GPHN: variants seen among roughly 807,000 people sequenced by gnomAD.
GPHN encodes gephyrin.
GPHN carries 17 observed loss-of-function variants against 95.5 expected under a neutral mutation model. The observed-to-expected ratio is 0.18, with a 90% CI of 0.12 to 0.27. The LOEUF is 0.27. Ranked by LOEUF, GPHN falls within the 10% of genes least tolerant of loss-of-function variation. The probability of loss-of-function intolerance (pLI) is 1.00; values close to 1 mark genes in which losing one functional copy is unlikely to be tolerated. For synonymous variants in GPHN, 320 were observed against 322.5 expected, an observed-to-expected ratio of 0.99 and a Z score of 0.08; for missense variants, 660 against 978.1, an observed-to-expected ratio of 0.67 and a Z score of 4.34.
chr14:67,276,950 A>T, the GPHN span, among the ~76,000 whole-genome samples: 1 of 152,222 alleles, frequency 6.6e-6, no homozygotes, highest in East Asian at 1.9e-4. Context: ...TTAAAAACAC[A>T]TCATTTAATA....
intron 18 of GPHN, among the ~76,000 whole-genome samples, chr14:67,152,986 C>T (rs1243383160): frequency 2.7e-5 from 4 of 150,414 alleles, no homozygotes; most frequent in African/African-American, 9.9e-5. Flanking sequence ...GGTTCACTGT[C>T]TTAGCTTAGG....
intron 4 of GPHN, among the ~76,000 whole-genome samples, chr14:66,840,371 GC>G: frequency 6.6e-6 from 1 of 152,184 alleles, no homozygotes; most frequent in African/African-American, 2.4e-5. Context: ...AATAGTAGCA[GC>G]AATATTAACA....
chr14:67,599,578 G>A, the GPHN span, among the ~76,000 whole-genome samples: 10 of 152,198 alleles, frequency 6.6e-5, no homozygotes, highest in Non-Finnish European at 1.5e-4. Context: ...CACACTTGTG[G>A]AGGCAAAGAC....
chr14:66,871,258 A>G (rs939787291), intron 4 of GPHN, among the ~76,000 whole-genome samples: 1 of 152,196 alleles, frequency 6.6e-6, no homozygotes, highest in African/African-American at 2.4e-5. Context: ...ATCAATTTTA[A>G]GTGAAATACT....
chr14:66,676,276 CCTTT>C (rs2066581819), intron 1 of GPHN, among the ~76,000 whole-genome samples: 1 of 152,066 alleles, frequency 6.6e-6, no homozygotes, highest in African/African-American at 2.4e-5. Context: ...TTGCCTTTCT[CCTTT>C]CTAATTTAGA....
At chr14:67,592,990 T>C in the GPHN span, among the ~76,000 whole-genome samples, 1 of 152,142 alleles carries the variant, frequency 6.6e-6, no homozygotes, top group Non-Finnish European at 1.5e-5. Context: ...TTTCACCATG[T>C]TGGTCAGGCT....
At chr14:67,571,572 A>G in the GPHN span, 3 of 569,970 alleles carry the variant, frequency 5.3e-6, no homozygotes, top group Non-Finnish European at 3.2e-6. Flanking sequence ...CCTGAGAAGC[A>G]TGGAGGTCAT....
At chr14:67,670,057 T>C in the GPHN span, among the ~76,000 whole-genome samples, 1 of 152,188 alleles carries the variant, frequency 6.6e-6, no homozygotes, top group Admixed American at 6.5e-5. Flanking sequence ...ATGGTGCCAC[T>C]GCACTCCAGC....
chr14:67,251,994 C>T, the GPHN span, among the ~76,000 whole-genome samples: 23,437 of 151,974 alleles, frequency 0.15, 3,410 homozygotes, highest in East Asian at 0.42. Flanking sequence ...TCTGGGTTGG[C>T]GAATATTTCA....
At chr14:66,812,219 C>T (rs896463431) in intron 3 of GPHN, among the ~76,000 whole-genome samples, 1 of 152,158 alleles carries the variant, frequency 6.6e-6, no homozygotes, top group African/African-American at 2.4e-5. Flanking sequence ...ACAAACAGCA[C>T]AACTAGGGCT....
chr14:67,144,264 T>TGTATATATATATATATATATAC (rs2080739683), intron 18 of GPHN, among the ~76,000 whole-genome samples: 2 of 83,134 alleles, frequency 2.4e-5, no homozygotes, highest in African/African-American at 1.5e-4. Context: ...TATATATATA[T>TGTATATATATATATATATATAC]ATATATATAT....
intron 21 of GPHN, among the ~76,000 whole-genome samples, chr14:67,173,353 A>G (rs1034429720): frequency 1.3e-5 from 2 of 152,150 alleles, no homozygotes; most frequent in Non-Finnish European, 1.5e-5. Context: ...GGAAGACACT[A>G]AAAGCCCTTA....
the GPHN span, among the ~76,000 whole-genome samples, chr14:67,422,509 G>A: frequency 6.6e-6 from 1 of 152,220 alleles, no homozygotes. Flanking sequence ...ATAAACATGG[G>A]CTGAATAAGT....
At chr14:66,689,357 G>C (rs2067618307) in intron 2 of GPHN, among the ~76,000 whole-genome samples, 1 of 152,130 alleles carries the variant, frequency 6.6e-6, no homozygotes, top group East Asian at 1.9e-4. Context: ...ATTTGCATAT[G>C]CTAAACCATC....
chr14:66,702,113 A>T (rs2153415497), intron 2 of GPHN, among the ~76,000 whole-genome samples: 1 of 152,286 alleles, frequency 6.6e-6, no homozygotes, highest in South Asian at 2.1e-4. Flanking sequence ...CAAAAACTCC[A>T]GCCAGAGGCT....
chr14:67,363,783 A>G, the GPHN span, among the ~76,000 whole-genome samples: 11 of 152,310 alleles, frequency 7.2e-5, no homozygotes, highest in African/African-American at 2.6e-4. Flanking sequence ...TTAATAAGTT[A>G]TTATATGAAT....
At chr14:67,143,319 C>G (rs770872412) in intron 17 of GPHN, 43 bp from the exon 18 acceptor site, 3 of 1,270,892 alleles carry the variant, frequency 2.4e-6, no homozygotes, top group Non-Finnish European at 3.5e-6. Context: ...TATCTAAAAT[C>G]TTTTCCTTGT....
intron 1 of GPHN, among the ~76,000 whole-genome samples, chr14:66,573,820 T>C (rs1257515174): frequency 6.6e-6 from 1 of 152,194 alleles, no homozygotes; most frequent in Non-Finnish European, 1.5e-5. Flanking sequence ...ATACAGCTAC[T>C]CCTGCCCTCT....
At chr14:67,172,833 G>C (rs1467394765) in intron 21 of GPHN, among the ~76,000 whole-genome samples, 1 of 152,154 alleles carries the variant, frequency 6.6e-6, no homozygotes, top group African/African-American at 2.4e-5. Context: ...GCTGCACAAA[G>C]TCTGGGATTC....
Sources: gnomAD v4.1 joint callset for allele counts (sites outside exome capture counted in the v4.1 genomes callset) on GRCh38, gnomAD v4.1.1 for gene constraint, MANE v1.5 for transcripts, NCBI Gene and HGNC (gene_info 2026-07-23, HGNC 2026-07-21) for gene names.